Variants in PPP4R1 observed in about 807,000 individuals in gnomAD.
The protein encoded by PPP4R1 is serine/threonine-protein phosphatase 4 regulatory subunit 1.
A neutral mutation model predicts 111.2 loss-of-function variants in PPP4R1; 42 were observed. The observed-to-expected ratio is 0.38, with a 90% CI of 0.29 to 0.49. The LOEUF is 0.49. PPP4R1 is among the 20% of genes least tolerant of loss of function. The pLI is 0.97. For missense variants in PPP4R1, 1,012 were observed against 1,161.6 expected (o/e 0.87, Z 1.87); for synonymous variants, 409 against 405.5 (o/e 1.01, Z -0.10).
intron 9 of PPP4R1, among the ~76,000 whole-genome samples, chr18:9,581,458 T>C (rs1176037560): frequency 1.3e-5 from 2 of 152,018 alleles, no homozygotes; most frequent in Non-Finnish European, 1.5e-5. Context: ...AGCTCAACAG[T>C]AGATCTGAAC....
chr18:9,562,216 A>G, intron 12 of PPP4R1, 141 bp from the exon 13 acceptor site: 1 of 619,878 alleles, frequency 1.6e-6, no homozygotes, highest in Non-Finnish European at 2.7e-6. Flanking sequence ...GCTTATAAAC[A>G]TACCTAAGAA....
chr18:9,615,699 CTG>C (rs2145402782), upstream of PPP4R1, among the ~76,000 whole-genome samples: 1 of 152,348 alleles, frequency 6.6e-6, no homozygotes, highest in Non-Finnish European at 1.5e-5. Context: ...AAACACCAAG[CTG>C]TGTCATGGTG....
chr18:9,551,030 A>G (rs745218), intron 16 of PPP4R1: 28,583 of 152,126 alleles, frequency 0.19, 3,032 homozygotes, highest in East Asian at 0.49. Context: ...TAATAAGCAG[A>G]AAGTCAACTG....
intron 10 of PPP4R1, among the ~76,000 whole-genome samples, chr18:9,576,298 T>A (rs1269197964): frequency 6.6e-6 from 1 of 152,144 alleles, no homozygotes; most frequent in African/African-American, 2.4e-5. Context: ...GTTTCAAATA[T>A]TTGTACTAAA....
At chr18:9,593,647 A>T in intron 4 of PPP4R1, 121 bp downstream of exon 4, 1 of 877,312 alleles carries the variant, frequency 1.1e-6, no homozygotes, top group Non-Finnish European at 1.7e-6. Context: ...TTTGATAATT[A>T]CTTAGGAAAT....
intron 2 of PPP4R1, among the ~76,000 whole-genome samples, chr18:9,612,059 T>A (rs980692653): frequency 6.6e-6 from 1 of 152,200 alleles, no homozygotes; most frequent in African/African-American, 2.4e-5. Flanking sequence ...CATCTTTAAG[T>A]ACCTTCATTC....
chr18:9,562,717 C>T (rs1265235022), intron 12 of PPP4R1, among the ~76,000 whole-genome samples: 1 of 152,178 alleles, frequency 6.6e-6, no homozygotes, highest in African/African-American at 2.4e-5. Context: ...CTTTCCTGAG[C>T]TTCTCATTCA....
At chr18:9,556,274 C>G (rs778611714) in intron 15 of PPP4R1, among the ~76,000 whole-genome samples, 6 of 151,726 alleles carry the variant, frequency 4.0e-5, no homozygotes, top group Non-Finnish European at 7.4e-5. Context: ...CTCACTGCAA[C>G]CTCCACCTCC....
upstream of PPP4R1, chr18:9,615,386 T>C (rs2067676727): frequency 6.6e-6 from 1 of 152,082 alleles, no homozygotes; most frequent in Non-Finnish European, 1.5e-5. Flanking sequence ...CCTCGTGGGG[T>C]TATTGGCATT....
chr18:9,550,278 C>T lies in PPP4R1; in HGVS notation c.2412G>A (p.Leu804=). 1 of 1,613,894 alleles carries T rather than the reference C, an allele frequency of 6.2e-7. No individual in the cohort carries two copies. Among genetic ancestry groups the T allele is most frequent in the Non-Finnish European group, 8.5e-7 (1 of 1,179,966 alleles). The change falls in exon 17 of 20, where the codon TTG becomes TTA. Residue 804 remains leucine (L), a splice_region_variant and synonymous_variant. Coordinates refer to ENST00000400556, the MANE Select transcript of PPP4R1 (RefSeq NM_001042388.3). The stretch of plus-strand genomic sequence containing the variant: ...AAAATTTTAAAAGTTCAATACATAC[C>T]AACTTGTAGGAAATCCAACGAACAG... The part of the protein sequence containing the change: ...VSSVRWISYK[L]VSEMVKKLHA...
intron 9 of PPP4R1, among the ~76,000 whole-genome samples, chr18:9,579,425 G>C (rs2066989165): frequency 6.6e-6 from 1 of 152,056 alleles, no homozygotes; most frequent in African/African-American, 2.4e-5. Flanking sequence ...GGACAATACA[G>C]TAGATTATAA....
chr18:9,555,925 A>G (rs2066568628), intron 15 of PPP4R1, among the ~76,000 whole-genome samples: 1 of 151,802 alleles, frequency 6.6e-6, no homozygotes, highest in African/African-American at 2.4e-5. Context: ...TCACAAGATC[A>G]GGAGATCAAG....
At chr18:9,613,963 G>A (rs1226456799) in intron 2 of PPP4R1, 1 of 257,406 alleles carries the variant, frequency 3.9e-6, no homozygotes, top group Non-Finnish European at 7.4e-6. Flanking sequence ...CAGGCGATTC[G>A]GGGGCGCCGG....
At chr18:9,564,739 G>GT (rs1568094920) in intron 11 of PPP4R1, among the ~76,000 whole-genome samples, 238 of 17,374 alleles carry the variant, frequency 0.014, no homozygotes, top group African/African-American at 0.024. Flanking sequence ...TGTGTGTGTG[G>GT]GGGTATCATC....
intron 13 of PPP4R1, among the ~76,000 whole-genome samples, chr18:9,560,695 A>T (rs2066658944): frequency 6.6e-6 from 1 of 152,166 alleles, no homozygotes; most frequent in Non-Finnish European, 1.5e-5. Context: ...CATTTTTAGT[A>T]AATAAAGTAA....
chr18:9,566,741 T>C (rs936886010), intron 11 of PPP4R1, among the ~76,000 whole-genome samples: 1 of 151,796 alleles, frequency 6.6e-6, no homozygotes, highest in African/African-American at 2.4e-5. Context: ...CCTTAAGAAT[T>C]AGGCTAAATC....
intron 15 of PPP4R1, 186 bp downstream of exon 15, chr18:9,557,035 C>A: frequency 4.1e-6 from 2 of 493,000 alleles, no homozygotes; most frequent in Non-Finnish European, 7.0e-6. Flanking sequence ...TCATCTAATA[C>A]TGTTTTAAAA....
intron 9 of PPP4R1, among the ~76,000 whole-genome samples, chr18:9,581,500 A>T (rs1428455635): frequency 6.6e-6 from 1 of 152,128 alleles, no homozygotes; most frequent in Non-Finnish European, 1.5e-5. Flanking sequence ...TATTGAAGAT[A>T]GATCAATAGA....
intron 13 of PPP4R1, among the ~76,000 whole-genome samples, chr18:9,561,222 T>C (rs1047981095): frequency 8.8e-4 from 25 of 28,448 alleles, no homozygotes; most frequent in African/African-American, 5.3e-3. Context: ...CCATCTCTAA[T>C]AATAATAATA....
Sources: allele counts gnomAD v4.1 joint callset (sites outside exome capture counted in the v4.1 genomes callset), GRCh38; gene constraint gnomAD v4.1.1; transcripts MANE v1.5; gene names NCBI Gene and HGNC (gene_info 2026-07-23, HGNC 2026-07-21).